Variants in ZFAND3 observed in about 807,000 individuals in gnomAD.
ZFAND3 encodes the protein zinc finger AN1-type containing 3.
In ZFAND3, 10 loss-of-function variants were observed where a neutral mutation model predicts 29.6. That is an observed-to-expected ratio of 0.34 (90% CI 0.21 to 0.57). The LOEUF (loss-of-function observed/expected upper bound fraction) is 0.57. Among genes scored for constraint, ZFAND3 ranks in the 20% least tolerant of loss-of-function variants. ZFAND3 has a pLI of 0.86. For synonymous variants in ZFAND3, 128 were observed against 112.6 expected, an observed-to-expected ratio of 1.14 and a Z score of -0.87; for missense variants, 230 against 304.5, an observed-to-expected ratio of 0.76 and a Z score of 1.82.
intron 1 of ZFAND3, among the ~76,000 whole-genome samples, chr6:37,832,296 G>T (rs948009651): frequency 6.6e-6 from 1 of 152,176 alleles, no homozygotes; most frequent in Non-Finnish European, 1.5e-5. Context: ...GGAGAAGAGA[G>T]GCAGCAGGGT....
At chr6:37,865,006 C>T (rs1384905025) in intron 1 of ZFAND3, among the ~76,000 whole-genome samples, 1 of 152,060 alleles carries the variant, frequency 6.6e-6, no homozygotes. Flanking sequence ...ATGGTGAAAC[C>T]ATGTCTTTAC....
chr6:37,980,607 A>G (rs1581810082), intron 2 of ZFAND3, among the ~76,000 whole-genome samples: 1 of 152,184 alleles, frequency 6.6e-6, no homozygotes, highest in Non-Finnish European at 1.5e-5. Flanking sequence ...CACCTCCTGC[A>G]CAATACATCC....
rs1762850618 is a variant in ZFAND3, at chr6:37,996,417, A to T, written c.113-65176A>T. Among the ~76,000 whole-genome samples the T allele has an allele frequency of 2.6e-5, 4 of 152,202 alleles. No individual in the cohort carries two copies. In the South Asian group the frequency reaches 8.3e-4, roughly 31 times the overall value. On this transcript the variant is annotated intron_variant, in intron 2 of 5. Transcript: ENST00000287218. ...ATAAGTGTCCTCAATTTAAATGAGG[A>T]TGCACAGAGATTAGTAACCATCCCA...
At chr6:38,049,128 C>T (rs1581871758) in intron 2 of ZFAND3, among the ~76,000 whole-genome samples, 1 of 152,322 alleles carries the variant, frequency 6.6e-6, no homozygotes, top group East Asian at 1.9e-4. Flanking sequence ...TCATGATACC[C>T]ACCTGGTCCC....
At chr6:38,000,425 A>G (rs1762926206) in intron 2 of ZFAND3, among the ~76,000 whole-genome samples, 1 of 152,230 alleles carries the variant, frequency 6.6e-6, no homozygotes, top group Non-Finnish European at 1.5e-5. Flanking sequence ...TATAAAGGAA[A>G]GAGGTTTAAT....
At chr6:38,061,496 G>C (rs1331563458) in intron 2 of ZFAND3, 97 bp from the exon 3 acceptor site, 9 of 1,403,184 alleles carry the variant, frequency 6.4e-6, no homozygotes, top group Non-Finnish European at 9.7e-7. Context: ...TTTATTATTG[G>C]TGTTGTTGCA....
intron 1 of ZFAND3, among the ~76,000 whole-genome samples, chr6:37,874,141 T>C (rs185811575): frequency 5.9e-5 from 9 of 152,292 alleles, no homozygotes; most frequent in East Asian, 1.9e-4. Flanking sequence ...TCCAGGACCT[T>C]CTTCTTGGTT....
intron 4 of ZFAND3, among the ~76,000 whole-genome samples, chr6:38,096,753 G>T (rs888416272): frequency 2.0e-5 from 3 of 151,902 alleles, no homozygotes; most frequent in African/African-American, 7.3e-5. Context: ...CCTGTTTTCT[G>T]GATGATTCTG....
intron 2 of ZFAND3, among the ~76,000 whole-genome samples, chr6:37,999,445 G>A (rs1762907172): frequency 6.6e-6 from 1 of 152,150 alleles, no homozygotes; most frequent in African/African-American, 2.4e-5. Flanking sequence ...GGAAAGGGAG[G>A]GAAAGTAACT....
At chr6:38,002,856 C>T (rs974223596) in intron 2 of ZFAND3, 1 of 152,104 alleles carries the variant, frequency 6.6e-6, no homozygotes, top group African/African-American at 2.4e-5. Context: ...TGAGCAGATT[C>T]GCTGGCTTCA....
At chr6:38,145,519 A>C (rs1766087315) in intron 5 of ZFAND3, among the ~76,000 whole-genome samples, 1 of 151,720 alleles carries the variant, frequency 6.6e-6, no homozygotes, top group South Asian at 2.1e-4. Flanking sequence ...GTGTAGACAG[A>C]GGTAAGCTGT....
intron 1 of ZFAND3, among the ~76,000 whole-genome samples, chr6:37,852,732 TA>T (rs138071676): frequency 2.0e-5 from 3 of 150,536 alleles, no homozygotes; most frequent in East Asian, 1.9e-4. Flanking sequence ...TTTTTTTTTT[TA>T]AAGACAGAGT....
chr6:37,858,420 G>C (rs769874349), intron 1 of ZFAND3, among the ~76,000 whole-genome samples: 2 of 152,192 alleles, frequency 1.3e-5, no homozygotes, highest in Non-Finnish European at 2.9e-5. Context: ...CGTGCCGAAA[G>C]GTTAGAATAA....
chr6:38,068,470 C>T (rs1332966119), intron 3 of ZFAND3, among the ~76,000 whole-genome samples: 1 of 152,094 alleles, frequency 6.6e-6, no homozygotes, highest in Non-Finnish European at 1.5e-5. Flanking sequence ...TTGCAAAACC[C>T]TGTTTTACAG....
chr6:37,928,974 G>T (rs574593258), intron 1 of ZFAND3, among the ~76,000 whole-genome samples: 1 of 152,326 alleles, frequency 6.6e-6, no homozygotes, highest in Non-Finnish European at 1.5e-5. Context: ...ACCTAGAACA[G>T]TCTGCCCACC....
chr6:37,855,826 A>G (rs1581711787), intron 1 of ZFAND3, among the ~76,000 whole-genome samples: 1 of 152,188 alleles, frequency 6.6e-6, no homozygotes, highest in Admixed American at 6.5e-5. Context: ...TTAACTAGGA[A>G]GAATTTTCTT....
At chr6:38,122,422 C>T (rs900182391) in intron 5 of ZFAND3, among the ~76,000 whole-genome samples, 4 of 152,156 alleles carry the variant, frequency 2.6e-5, no homozygotes, top group African/African-American at 4.8e-5. Flanking sequence ...GATCTGTGGT[C>T]GTTGAGTGCG....
chr6:37,995,238 T>C (rs1156685194), intron 2 of ZFAND3, among the ~76,000 whole-genome samples: 2 of 152,178 alleles, frequency 1.3e-5, no homozygotes, highest in African/African-American at 4.8e-5. Flanking sequence ...AGAAATTTAA[T>C]TTTAACCTCT....
intron 1 of ZFAND3, among the ~76,000 whole-genome samples, chr6:37,918,342 G>A (rs190885166): frequency 1.2e-4 from 19 of 152,150 alleles, no homozygotes; most frequent in Admixed American, 8.5e-4. Context: ...CCCAAAGTGC[G>A]AGGATTACAG....
Sources: gnomAD v4.1 joint callset for allele counts (sites outside exome capture counted in the v4.1 genomes callset) on GRCh38, gnomAD v4.1.1 for gene constraint, MANE v1.5 for transcripts, NCBI Gene and HGNC (gene_info 2026-07-23, HGNC 2026-07-21) for gene names.